EYS: variants seen among roughly 807,000 people sequenced by gnomAD.
EYS encodes the protein EGF-like photoreceptor maintenance factor.
EYS carries 250 observed loss-of-function variants against 282.1 expected under a neutral mutation model. That is an observed-to-expected ratio of 0.89 (90% confidence interval 0.80 to 0.98). EYS has a LOEUF of 0.98. Ranked by LOEUF, EYS falls within the 50% of genes least tolerant of loss-of-function variation. The pLI is 0.00. For synonymous variants in EYS, 1,355 were observed against 1,282.9 expected, an observed-to-expected ratio of 1.06 and a Z score of -1.20; for missense variants, 4,016 against 3,709.0, an observed-to-expected ratio of 1.08 and a Z score of -2.15.
intron 9 of EYS, among the ~76,000 whole-genome samples, chr6:65,346,680 G>T (rs566602655): frequency 6.6e-6 from 1 of 151,660 alleles, no homozygotes; most frequent in Non-Finnish European, 1.5e-5. Flanking sequence ...CTTTTTAGGG[G>T]AAAAAATACA....
chr6:64,927,931 A>G (rs1019945353), intron 15 of EYS, among the ~76,000 whole-genome samples: 4 of 152,152 alleles, frequency 2.6e-5, no homozygotes, highest in Non-Finnish European at 5.9e-5. Context: ...AATTTTCAAA[A>G]GCCCAACAAA....
chr6:64,231,145 T>C (rs1300082932), intron 30 of EYS, among the ~76,000 whole-genome samples: 1 of 152,154 alleles, frequency 6.6e-6, no homozygotes. Flanking sequence ...AGATCAAGAA[T>C]TAGGTCATGT....
chr6:65,361,693 T>C (rs886504488), intron 8 of EYS, among the ~76,000 whole-genome samples: 1 of 151,936 alleles, frequency 6.6e-6, no homozygotes, highest in South Asian at 2.1e-4. Flanking sequence ...GTTGCTCAGG[T>C]TGGTCTCCAG....
intron 32 of EYS, among the ~76,000 whole-genome samples, chr6:64,076,944 A>G (rs948495583): frequency 2.6e-5 from 4 of 152,022 alleles, no homozygotes; most frequent in African/African-American, 4.8e-5. Context: ...AACTAGGGAT[A>G]TATAGACCAT....
rs556567624 is a variant in EYS at position 64,285,811 on chromosome 6, C to G, written c.6191+21159G>C. Among the ~76,000 whole-genome samples, 3 of 152,224 alleles carry G rather than the reference C, an allele frequency of 2.0e-5. No individual in the cohort carries two copies. In the South Asian group the frequency reaches 6.2e-4, roughly 32 times the overall value. ...AAGTGGAAACCCCTGATAAACCCAT[C>G]AGATCTCGTGAGACTTATTCACTAC... is the stretch of plus-strand genomic sequence containing the variant. On this transcript the variant is annotated intron_variant, in intron 30 of 42. Transcript: ENST00000503581.
intron 2 of EYS, among the ~76,000 whole-genome samples, chr6:65,586,911 T>C (rs571392636): frequency 6.6e-6 from 1 of 152,224 alleles, no homozygotes; most frequent in East Asian, 1.9e-4. Context: ...GTACGATTTT[T>C]TTTCTTAGAT....
intron 35 of EYS, among the ~76,000 whole-genome samples, chr6:63,905,646 G>C (rs1447353744): frequency 6.6e-6 from 1 of 152,094 alleles, no homozygotes. Context: ...GGGGATTTCA[G>C]GAGTAAAATT....
chr6:64,013,047 G>A (rs559561581), intron 33 of EYS, among the ~76,000 whole-genome samples: 1 of 152,164 alleles, frequency 6.6e-6, no homozygotes, highest in South Asian at 2.1e-4. Flanking sequence ...TGACAAAACA[G>A]CCCAAATACA....
chr6:64,743,504 C>T (rs1343811127), intron 22 of EYS, among the ~76,000 whole-genome samples: 1 of 151,962 alleles, frequency 6.6e-6, no homozygotes, highest in African/African-American at 2.4e-5. Flanking sequence ...GCATTCTTAA[C>T]TATTGATATT....
chr6:63,825,740 A>T (rs1283254853), intron 36 of EYS, among the ~76,000 whole-genome samples: 1 of 152,182 alleles, frequency 6.6e-6, no homozygotes, highest in Non-Finnish European at 1.5e-5. Flanking sequence ...AATGATCTGA[A>T]CAACAGCCTT....
intron 18 of EYS, among the ~76,000 whole-genome samples, chr6:64,897,085 C>T (rs2150069052): frequency 6.6e-6 from 1 of 152,286 alleles, no homozygotes; most frequent in Middle Eastern, 3.4e-3. Flanking sequence ...GTGGATCACC[C>T]AGTACAGTGC....
intron 22 of EYS, among the ~76,000 whole-genome samples, chr6:64,812,669 T>C (rs1206277030): frequency 1.3e-5 from 2 of 152,004 alleles, no homozygotes; most frequent in African/African-American, 4.8e-5. Context: ...ATTTAAGATA[T>C]ATGACAGAAA....
chr6:64,621,716 G>T (rs1767451742), intron 23 of EYS, among the ~76,000 whole-genome samples: 1 of 152,126 alleles, frequency 6.6e-6, no homozygotes, highest in African/African-American at 2.4e-5. Flanking sequence ...GCTACAAAAT[G>T]AACAATACTA....
At chr6:64,998,978 T>C (rs1771366883) in intron 13 of EYS, among the ~76,000 whole-genome samples, 1 of 152,180 alleles carries the variant, frequency 6.6e-6, no homozygotes, top group Admixed American at 6.5e-5. Flanking sequence ...AGACAAATTA[T>C]AAATTACATT....
intron 12 of EYS, among the ~76,000 whole-genome samples, chr6:65,089,198 G>A (rs908581565): frequency 6.6e-6 from 1 of 152,078 alleles, no homozygotes; most frequent in African/African-American, 2.4e-5. Flanking sequence ...GTGACAACAG[G>A]GCAATTATCC....
chr6:64,107,954 T>C (rs1355439576), intron 31 of EYS, among the ~76,000 whole-genome samples: 2 of 152,088 alleles, frequency 1.3e-5, no homozygotes, highest in African/African-American at 4.8e-5. Context: ...AGGAGCTGTG[T>C]ATTTCCCTTT....
chr6:64,412,230 T>G (rs149166768), intron 28 of EYS, among the ~76,000 whole-genome samples: 2 of 152,150 alleles, frequency 1.3e-5, no homozygotes, highest in East Asian at 3.9e-4. Flanking sequence ...TGTTTTATAT[T>G]TTGCAATCAA....
chr6:65,467,717 T>G (rs1369727444), intron 5 of EYS, among the ~76,000 whole-genome samples: 1 of 152,068 alleles, frequency 6.6e-6, no homozygotes, highest in Non-Finnish European at 1.5e-5. Context: ...CTTAATAACA[T>G]TACTTAAAAA....
At chr6:63,905,492 G>A (rs900774341) in intron 35 of EYS, among the ~76,000 whole-genome samples, 4 of 151,856 alleles carry the variant, frequency 2.6e-5, no homozygotes, top group Non-Finnish European at 4.4e-5. Context: ...ACCACGCCCG[G>A]CTAATTTTTT....
Sources: allele counts gnomAD v4.1 joint callset (sites outside exome capture counted in the v4.1 genomes callset), GRCh38; gene constraint gnomAD v4.1.1; transcripts MANE v1.5; gene names NCBI Gene and HGNC (gene_info 2026-07-23, HGNC 2026-07-21).